Variants in GRM1 observed in about 807,000 individuals in gnomAD.
GRM1 encodes metabotropic glutamate receptor 1.
Under a neutral mutation model 90.9 loss-of-function variants are expected in GRM1, and 33 were observed. The observed-to-expected ratio is 0.36, with a 90% CI of 0.28 to 0.49. The LOEUF is 0.49. Among genes scored for constraint, GRM1 ranks in the 20% least tolerant of loss-of-function variants. The probability of loss-of-function intolerance (pLI) is 0.99; values close to 1 mark genes in which losing one functional copy is unlikely to be tolerated. For missense variants in GRM1, 1,190 were observed against 1,534.3 expected (o/e 0.78, Z 3.75); for synonymous variants, 700 against 613.2 (o/e 1.14, Z -2.09).
At chr6:146,358,359 A>G (rs1456473657) in intron 5 of GRM1, among the ~76,000 whole-genome samples, 1 of 152,052 alleles carries the variant, frequency 6.6e-6, no homozygotes, top group Non-Finnish European at 1.5e-5. Context: ...TGGAGGCAAC[A>G]CTCTCTGTAT....
chr6:146,031,579 ACTAT>A (rs1040130769), intron 1 of GRM1, among the ~76,000 whole-genome samples: 3 of 152,146 alleles, frequency 2.0e-5, no homozygotes, highest in African/African-American at 7.2e-5. Flanking sequence ...TTTGGAAAAA[ACTAT>A]CTGCTGTGAT....
intron 2 of GRM1, among the ~76,000 whole-genome samples, chr6:146,217,872 A>C (rs760135579): frequency 3.3e-5 from 5 of 152,192 alleles, no homozygotes; most frequent in Admixed American, 6.5e-5. Context: ...GCTTATCTTG[A>C]AGGAAGAATA....
intron 4 of GRM1, among the ~76,000 whole-genome samples, chr6:146,356,228 T>C (rs574778243): frequency 1.3e-5 from 2 of 152,346 alleles, no homozygotes; most frequent in South Asian, 4.1e-4. Flanking sequence ...GACTTATAGA[T>C]TGTCTTCCTT....
At chr6:146,211,138 A>G (rs1468140996) in intron 2 of GRM1, among the ~76,000 whole-genome samples, 1 of 151,836 alleles carries the variant, frequency 6.6e-6, no homozygotes, top group Non-Finnish European at 1.5e-5. Flanking sequence ...AAAAAAAAAA[A>G]CATTTGGCTT....
At chr6:146,267,067 G>A (rs1171504765) in intron 2 of GRM1, among the ~76,000 whole-genome samples, 2 of 152,072 alleles carry the variant, frequency 1.3e-5, no homozygotes, top group Non-Finnish European at 2.9e-5. Flanking sequence ...AGGCCCCAAT[G>A]TGTGTTATTC....
chr6:146,215,333 G>A (rs946266326), intron 2 of GRM1, among the ~76,000 whole-genome samples: 19 of 152,078 alleles, frequency 1.2e-4, no homozygotes, highest in African/African-American at 4.6e-4. Context: ...TTCCATCTAT[G>A]TCAGTATTTC....
chr6:146,243,822 A>C (rs547845994), intron 2 of GRM1, among the ~76,000 whole-genome samples: 1 of 152,206 alleles, frequency 6.6e-6, no homozygotes, highest in African/African-American at 2.4e-5. Flanking sequence ...GCACTACGGG[A>C]GACTGGGGCT....
chr6:146,330,096 T>C (rs772494677), intron 3 of GRM1, among the ~76,000 whole-genome samples: 2 of 152,146 alleles, frequency 1.3e-5, no homozygotes, highest in Non-Finnish European at 2.9e-5. Flanking sequence ...GTTGACCAAA[T>C]TGAGCAGTAG....
intron 3 of GRM1, among the ~76,000 whole-genome samples, chr6:146,328,309 T>TACACACTGACAAAAGACATAC (rs1784467960): frequency 1.3e-5 from 2 of 152,034 alleles, no homozygotes; most frequent in Non-Finnish European, 2.9e-5. Flanking sequence ...CACACACATA[T>TACACACTGACAAAAGACATAC]ACACACTGAC....
chr6:146,217,086 C>A lies in GRM1; in HGVS notation c.950+57489C>A, dbSNP rs975164119. The stretch of plus-strand genomic sequence containing the variant: ...TAAGACTGGAGGAGCCTTGTGGGAT[C>A]TATACTTAATTTGAGAAGACAAGCA... On this transcript the variant is annotated intron_variant, in intron 2 of 7. Transcript: ENST00000282753. 2.0e-5 allele frequency among the ~76,000 whole-genome samples: 3 copies of A among 152,226 alleles called. No individual in the cohort carries two copies. The South Asian group carries it at 6.2e-4, about 32-fold the overall frequency.
At chr6:146,278,866 C>T (rs1381337042) in intron 2 of GRM1, among the ~76,000 whole-genome samples, 1 of 152,034 alleles carries the variant, frequency 6.6e-6, no homozygotes, top group Non-Finnish European at 1.5e-5. Context: ...AGGTTACGCC[C>T]GGCTAATTTT....
At chr6:146,123,939 A>C (rs910326613) in intron 1 of GRM1, among the ~76,000 whole-genome samples, 1 of 152,156 alleles carries the variant, frequency 6.6e-6, no homozygotes, top group Non-Finnish European at 1.5e-5. Context: ...ATCCATCATG[A>C]AGCAGAAAAA....
chr6:146,253,312 G>T (rs1018144348), intron 2 of GRM1, among the ~76,000 whole-genome samples: 2 of 152,006 alleles, frequency 1.3e-5, no homozygotes, highest in Non-Finnish European at 2.9e-5. Flanking sequence ...TAGGATGGAG[G>T]GACAGGGATG....
At chr6:146,254,315 C>A (rs147761612) in intron 2 of GRM1, among the ~76,000 whole-genome samples, 76 of 152,208 alleles carry the variant, frequency 5.0e-4, no homozygotes, top group African/African-American at 1.7e-3. Flanking sequence ...GCAGATTTGA[C>A]CCCTTCCAGC....
At chr6:146,313,804 A>T (rs1783857052) in intron 3 of GRM1, among the ~76,000 whole-genome samples, 1 of 152,132 alleles carries the variant, frequency 6.6e-6, no homozygotes, top group Non-Finnish European at 1.5e-5. Flanking sequence ...TAAGATACTG[A>T]ACATATTGCT....
chr6:146,110,379 CTCT>C (rs1299497198), intron 1 of GRM1, among the ~76,000 whole-genome samples: 1 of 152,152 alleles, frequency 6.6e-6, no homozygotes, highest in Non-Finnish European at 1.5e-5. Flanking sequence ...AAGCTCTCTT[CTCT>C]TGTCTGCCGC....
intron 5 of GRM1, among the ~76,000 whole-genome samples, chr6:146,383,306 A>G (rs896493134): frequency 2.6e-5 from 4 of 152,146 alleles, no homozygotes; most frequent in Admixed American, 6.5e-5. Flanking sequence ...CTGCATAAGT[A>G]AATTGGTTTA....
intron 1 of GRM1, among the ~76,000 whole-genome samples, chr6:146,122,677 A>G (rs1209254006): frequency 6.6e-6 from 1 of 151,940 alleles, no homozygotes; most frequent in African/African-American, 2.4e-5. Flanking sequence ...TTTGGTATTC[A>G]TTTTAATTTT....
chr6:146,239,658 A>C (rs150874853), intron 2 of GRM1, among the ~76,000 whole-genome samples: 154 of 152,324 alleles, frequency 1.0e-3, no homozygotes, highest in African/African-American at 3.5e-3. Context: ...ATCTACCAAT[A>C]TGAAATTATA....
Sources: gnomAD v4.1 joint callset for allele counts (sites outside exome capture counted in the v4.1 genomes callset) on GRCh38, gnomAD v4.1.1 for gene constraint, MANE v1.5 for transcripts, NCBI Gene and HGNC (gene_info 2026-07-23, HGNC 2026-07-21) for gene names.